Variants in PARD3 observed in about 807,000 individuals in gnomAD.
The protein encoded by PARD3 is par-3 family cell polarity regulator.
Under a neutral mutation model 155.4 loss-of-function variants are expected in PARD3, and 75 were observed. That is an observed-to-expected ratio of 0.48 (90% confidence interval 0.40 to 0.58). PARD3 has a LOEUF of 0.58. Ranked by LOEUF, PARD3 falls within the 20% of genes least tolerant of loss-of-function variation. PARD3 has a pLI of 0.00. For missense variants in PARD3, 1,642 were observed against 1,721.7 expected, an observed-to-expected ratio of 0.95 and a Z score of 0.82; for synonymous variants, 576 against 610.5, an observed-to-expected ratio of 0.94 and a Z score of 0.83.
chr10:34,550,375 C>T (rs1290372557), intron 2 of PARD3, among the ~76,000 whole-genome samples: 1 of 152,144 alleles, frequency 6.6e-6, no homozygotes, highest in African/African-American at 2.4e-5. Context: ...CCACACCCGG[C>T]TAATTTTTAT....
At chr10:34,327,372 C>A (rs2134202626) in intron 19 of PARD3, among the ~76,000 whole-genome samples, 1 of 152,286 alleles carries the variant, frequency 6.6e-6, no homozygotes, top group South Asian at 2.1e-4. Flanking sequence ...GTAAGTGCTG[C>A]AGAAGATGAC....
At chr10:34,319,504 G>A (rs990232330) in intron 19 of PARD3, among the ~76,000 whole-genome samples, 8 of 152,112 alleles carry the variant, frequency 5.3e-5, no homozygotes, top group Admixed American at 3.3e-4. Context: ...CCTTTTCCTC[G>A]CTATTAAGAT....
intron 22 of PARD3, among the ~76,000 whole-genome samples, chr10:34,174,906 A>G (rs1949966525): frequency 1.3e-5 from 2 of 152,180 alleles, no homozygotes; most frequent in Non-Finnish European, 2.9e-5. Flanking sequence ...GAAAAACAGT[A>G]TCTGTTATTT....
chr10:34,147,317 C>G (rs1295975107), intron 22 of PARD3, among the ~76,000 whole-genome samples: 1 of 152,074 alleles, frequency 6.6e-6, no homozygotes, highest in East Asian at 1.9e-4. Context: ...CTAATTGAGA[C>G]TTTATTGTAT....
At chr10:34,759,475 C>T (rs922298222) in intron 1 of PARD3, among the ~76,000 whole-genome samples, 3 of 152,156 alleles carry the variant, frequency 2.0e-5, no homozygotes, top group Non-Finnish European at 4.4e-5. Flanking sequence ...ATCTATTCCA[C>T]GCATCAACAA....
intron 1 of PARD3, among the ~76,000 whole-genome samples, chr10:34,755,559 T>C (rs115675379): frequency 1.5e-3 from 234 of 152,318 alleles, no homozygotes; most frequent in African/African-American, 5.3e-3. Flanking sequence ...TCAGTGCTAC[T>C]AGGATCTGGA....
Position 34,284,217 on chromosome 10 carries a change from T to A in PARD3, c.3094A>T (p.Ile1032Phe), listed in dbSNP as rs1480661201. 6.2e-7 allele frequency: 1 copy of A among 1,609,938 alleles called. No individual in the cohort carries two copies. The highest frequency in any genetic ancestry group is 8.5e-7 in the Non-Finnish European group (1 of 1,178,096). Reference sequence around the variant, plus strand: ...ATTTTTATTTTACCCGTTTTCTCAATCTTGTCATCTTTTCGATGTTTGCCA... The same window carrying A: ...ATTTTTATTTTACCCGTTTTCTCAAACTTGTCATCTTTTCGATGTTTGCCA... ...RFGKHRKDDK[I>F]EKTGKIKIQE... The change falls in exon 21 of 25, where the codon ATT (isoleucine) becomes TTT (phenylalanine). Residue 1032 changes from isoleucine to phenylalanine, a missense_variant. Physicochemically the swap from Ile to Phe is conservative, Grantham distance 21. Coordinates refer to ENST00000374788, the MANE Select transcript of PARD3 (RefSeq NM_001184785.2).
chr10:34,417,246 C>T (rs528941636), intron 5 of PARD3, among the ~76,000 whole-genome samples: 7 of 152,232 alleles, frequency 4.6e-5, no homozygotes, highest in Admixed American at 2.6e-4. Flanking sequence ...GCTGTGGTCT[C>T]GGCGGACTGA....
At chr10:34,769,798 A>AT (rs1838617389) in intron 1 of PARD3, among the ~76,000 whole-genome samples, 2 of 19,078 alleles carry the variant, frequency 1.0e-4, no homozygotes, top group Non-Finnish European at 4.1e-4. Flanking sequence ...GAACAAAAAA[A>AT]CAAAACAAAA....
chr10:34,614,409 A>G (rs2132650192), intron 2 of PARD3, among the ~76,000 whole-genome samples: 1 of 152,356 alleles, frequency 6.6e-6, no homozygotes, highest in South Asian at 2.1e-4. Flanking sequence ...ATAAATTTAA[A>G]AGAAACCAAG....
intron 22 of PARD3, among the ~76,000 whole-genome samples, chr10:34,259,464 G>C (rs1471612412): frequency 1.3e-5 from 2 of 152,086 alleles, no homozygotes; most frequent in East Asian, 3.8e-4. Flanking sequence ...CAGTCAATAG[G>C]GCAGCAGCTT....
At chr10:34,251,067 T>C (rs116494568) in intron 22 of PARD3, among the ~76,000 whole-genome samples, 9 of 152,302 alleles carry the variant, frequency 5.9e-5, no homozygotes, top group African/African-American at 1.9e-4. Context: ...TGAAATACTA[T>C]ACCAAATTAC....
intron 2 of PARD3, among the ~76,000 whole-genome samples, chr10:34,532,963 A>G (rs1295348481): frequency 2.0e-5 from 3 of 152,206 alleles, no homozygotes; most frequent in Admixed American, 6.5e-5. Flanking sequence ...CACCTAAGCT[A>G]TTATGTTACA....
chr10:34,212,615 C>A (rs908864778), intron 22 of PARD3, among the ~76,000 whole-genome samples: 1 of 151,694 alleles, frequency 6.6e-6, no homozygotes, highest in African/African-American at 2.4e-5. Context: ...CTGGTGCGCC[C>A]TACAGCCCCT....
chr10:34,657,505 C>G (rs987285709), intron 2 of PARD3, among the ~76,000 whole-genome samples: 2 of 151,304 alleles, frequency 1.3e-5, no homozygotes, highest in Non-Finnish European at 2.9e-5. Flanking sequence ...ACATCACTGT[C>G]ACCTTTCTGC....
At chr10:34,531,587 G>C (rs576857008) in intron 2 of PARD3, among the ~76,000 whole-genome samples, 26 of 152,222 alleles carry the variant, frequency 1.7e-4, no homozygotes, top group African/African-American at 6.3e-4. Flanking sequence ...CAAGGTTTTT[G>C]TGCCTGCTGG....
At chr10:34,168,114 T>C (rs997554722) in intron 22 of PARD3, among the ~76,000 whole-genome samples, 4 of 152,184 alleles carry the variant, frequency 2.6e-5, no homozygotes, top group Admixed American at 6.5e-5. Flanking sequence ...AACTGTAACA[T>C]TCATTTTATA....
intron 24 of PARD3, among the ~76,000 whole-genome samples, chr10:34,115,736 G>A (rs1262338297): frequency 2.0e-5 from 3 of 147,440 alleles, no homozygotes; most frequent in Non-Finnish European, 3.0e-5. Context: ...TCTTTGAGAC[G>A]GAGTTTTGCT....
At chr10:34,750,364 G>A (rs1406948139) in intron 1 of PARD3, among the ~76,000 whole-genome samples, 1 of 150,464 alleles carries the variant, frequency 6.6e-6, no homozygotes. Flanking sequence ...AGAAAAGAGT[G>A]ATTATTTTTA....
Sources: gnomAD v4.1 joint callset for allele counts (sites outside exome capture counted in the v4.1 genomes callset) on GRCh38, gnomAD v4.1.1 for gene constraint, MANE v1.5 for transcripts, NCBI Gene and HGNC (gene_info 2026-07-23, HGNC 2026-07-21) for gene names.